The following TBC1D32 variants were observed in gnomAD, a reference collection of about 807,000 sequenced individuals.
TBC1D32 encodes TBC1 domain family member 32.
Under a neutral mutation model 170.3 loss-of-function variants are expected in TBC1D32, and 151 were observed. That is an observed-to-expected ratio of 0.89 (90% confidence interval 0.78 to 1.01). The LOEUF is 1.01. Ranked by LOEUF, TBC1D32 falls within the 50% of genes least tolerant of loss-of-function variation. The pLI is 0.00. For synonymous variants in TBC1D32, 498 were observed against 488.0 expected (o/e 1.02, Z -0.27); for missense variants, 1,464 against 1,457.1 (o/e 1.00, Z -0.08).
In TBC1D32 at chr6:121,241,504, C is replaced by T. The variant is rs375692748; in HGVS notation, c.2206G>A (p.Ala736Thr). Residue 736 changes from alanine (A) to threonine (T), a missense_variant, in exon 19 of 32, where the codon GCA (alanine) becomes ACA (threonine). Physicochemically the swap from Ala to Thr is moderately conservative, Grantham distance 58. Transcript: ENST00000398212. ...GCAATGCCACCTGCTGCTGTTGATGCCACTCGTGTAACCAAAACTCCATAG... is the reference window on the plus strand; with the variant it reads ...GCAATGCCACCTGCTGCTGTTGATGTCACTCGTGTAACCAAAACTCCATAG... ...FGYGVLVTRV[A>T]STAAGGIALK... 5 of 1,613,378 alleles carry T rather than the reference C, an allele frequency of 3.1e-6. No homozygotes were observed. In the African/African-American group the frequency reaches 6.7e-5, roughly 22 times the overall value.
chr6:121,281,352 C>CAT (rs1443196042), intron 14 of TBC1D32, among the ~76,000 whole-genome samples, 192 bp downstream of exon 14: 1 of 151,276 alleles, frequency 6.6e-6, no homozygotes, highest in Non-Finnish European at 1.5e-5. Flanking sequence ...TTTCCCTCTG[C>CAT]ATATCATAAT....
At chr6:121,243,058 C>T (rs1797187769) in intron 17 of TBC1D32, among the ~76,000 whole-genome samples, 1 of 151,332 alleles carries the variant, frequency 6.6e-6, no homozygotes, top group South Asian at 2.1e-4. Flanking sequence ...AATGGAAATA[C>T]AACTTATAAA....
At chr6:121,324,481 C>T (rs1194843267) in intron 1 of TBC1D32, among the ~76,000 whole-genome samples, 1 of 152,020 alleles carries the variant, frequency 6.6e-6, no homozygotes, top group Non-Finnish European at 1.5e-5. Flanking sequence ...TTTTGTAAAT[C>T]TAATGTCTTA....
At chr6:121,284,531 T>C (rs1010526216) in intron 12 of TBC1D32, among the ~76,000 whole-genome samples, 1 of 152,176 alleles carries the variant, frequency 6.6e-6, no homozygotes, top group Non-Finnish European at 1.5e-5. Context: ...ATAAAAACCA[T>C]TCTTAGCTCA....
At chr6:121,279,645 A>G (rs575783896) in intron 14 of TBC1D32, among the ~76,000 whole-genome samples, 1 of 151,948 alleles carries the variant, frequency 6.6e-6, no homozygotes, top group Non-Finnish European at 1.5e-5. Context: ...CATCCCTTCT[A>G]AGGGTGTCAT....
At chr6:121,270,374 C>A (rs1024736287) in intron 15 of TBC1D32, among the ~76,000 whole-genome samples, 3 of 151,118 alleles carry the variant, frequency 2.0e-5, no homozygotes, top group Non-Finnish European at 4.4e-5. Flanking sequence ...GATAGCCAGA[C>A]TAAAAGAAAA....
chr6:121,271,316 T>C (rs867459888), intron 15 of TBC1D32, among the ~76,000 whole-genome samples: 1 of 152,148 alleles, frequency 6.6e-6, no homozygotes, highest in South Asian at 2.1e-4. Context: ...AAAGAGGAAG[T>C]CAAATTGTCC....
At chr6:121,227,294 G>T (rs138441681) in intron 20 of TBC1D32, among the ~76,000 whole-genome samples, 1 of 152,084 alleles carries the variant, frequency 6.6e-6, no homozygotes. Context: ...CTTGTTTTTG[G>T]ATGAGAGAAT....
At chr6:121,135,104 C>A (rs1049279424) in intron 24 of TBC1D32, among the ~76,000 whole-genome samples, 1 of 152,060 alleles carries the variant, frequency 6.6e-6, no homozygotes. Flanking sequence ...TTAACTTATG[C>A]AGAATGAGTA....
intron 22 of TBC1D32, among the ~76,000 whole-genome samples, chr6:121,170,215 G>A (rs778625201): frequency 1.3e-5 from 2 of 151,716 alleles, no homozygotes; most frequent in Non-Finnish European, 2.9e-5. Flanking sequence ...TACTCTGCAA[G>A]CACTCTCCAA....
intron 21 of TBC1D32, among the ~76,000 whole-genome samples, chr6:121,221,976 G>A (rs544767190): frequency 7.3e-4 from 111 of 152,262 alleles, no homozygotes; most frequent in Non-Finnish European, 1.2e-3. Flanking sequence ...AATATTTCAC[G>A]AAAGGTGTCA....
chr6:121,255,900 G>T (rs1011125355), intron 16 of TBC1D32, among the ~76,000 whole-genome samples, 184 bp downstream of exon 16: 2 of 152,144 alleles, frequency 1.3e-5, no homozygotes, highest in Non-Finnish European at 2.9e-5. Flanking sequence ...GTCCCACTGG[G>T]AAAGGAAATA....
chr6:121,111,305 C>T (rs1258870946), intron 29 of TBC1D32, among the ~76,000 whole-genome samples: 1 of 152,104 alleles, frequency 6.6e-6, no homozygotes, highest in Non-Finnish European at 1.5e-5. Context: ...TAGATGGTGT[C>T]ATAATCTGAA....
intron 22 of TBC1D32, among the ~76,000 whole-genome samples, chr6:121,198,622 G>A (rs1791137597): frequency 6.6e-6 from 1 of 150,882 alleles, no homozygotes. Context: ...ATGGTGGCAG[G>A]CGCCTGTAGT....
chr6:121,147,249 C>T (rs566891201), intron 24 of TBC1D32, among the ~76,000 whole-genome samples: 1 of 152,182 alleles, frequency 6.6e-6, no homozygotes, highest in South Asian at 2.1e-4. Flanking sequence ...GATTCCATGT[C>T]TTTGCTATTG....
At chr6:121,189,875 C>G (rs1668453886) in intron 22 of TBC1D32, among the ~76,000 whole-genome samples, 1 of 151,908 alleles carries the variant, frequency 6.6e-6, no homozygotes. Context: ...AGACAGGACA[C>G]TAAGAATTTT....
intron 26 of TBC1D32, among the ~76,000 whole-genome samples, chr6:121,125,436 G>A (rs1264062746): frequency 6.6e-6 from 1 of 152,104 alleles, no homozygotes; most frequent in Non-Finnish European, 1.5e-5. Flanking sequence ...GAAGACTGGA[G>A]TTGAGACTAG....
At chr6:121,318,662 A>C (rs1047629631) in intron 2 of TBC1D32, among the ~76,000 whole-genome samples, 3 of 151,980 alleles carry the variant, frequency 2.0e-5, no homozygotes, top group Admixed American at 2.0e-4. Context: ...AATGAGATTA[A>C]AAAATACAAT....
chr6:121,205,463 T>C (rs1194346168), intron 21 of TBC1D32, among the ~76,000 whole-genome samples: 1 of 152,196 alleles, frequency 6.6e-6, no homozygotes. Flanking sequence ...ATTTTGACCC[T>C]ACTCTGGCAC....
Sources: allele counts gnomAD v4.1 joint callset (sites outside exome capture counted in the v4.1 genomes callset), GRCh38; gene constraint gnomAD v4.1.1; transcripts MANE v1.5; gene names NCBI Gene and HGNC (gene_info 2026-07-23, HGNC 2026-07-21).